Variants in ATAD1 observed in about 807,000 individuals in gnomAD.
ATAD1 encodes the protein ATPase family AAA domain containing 1, also known as outer mitochondrial transmembrane helix translocase.
ATAD1 carries 18 observed loss-of-function variants against 42.7 expected under a neutral mutation model. The observed-to-expected ratio is 0.42, with a 90% CI of 0.29 to 0.63. The LOEUF is 0.63. Among genes scored for constraint, ATAD1 ranks in the 20% least tolerant of loss-of-function variants. The pLI, the probability that ATAD1 is intolerant of heterozygous loss-of-function variation, is 0.19. For synonymous variants in ATAD1, 132 were observed against 143.1 expected (o/e 0.92, Z 0.55); for missense variants, 294 against 440.4 (o/e 0.67, Z 2.98).
chr10:87,814,527 T>C lies in ATAD1; in HGVS notation c.73A>G (p.Ile25Val). The change falls in exon 2 of 10, where the codon ATA (isoleucine) becomes GTA (valine). Residue 25 changes from isoleucine (I) to valine (V), a missense_variant. This residue lies in a region of ATAD1 where 121 missense variants were observed against 187.3 expected (regional missense o/e 0.65). Transcript: ENST00000680024. The part of the protein sequence containing the change: ...EVVGLIFRLT[I>V]FGAVTYFTIK... The stretch of plus-strand genomic sequence containing the variant: ...GTAAAGTATGTCACTGCACCAAATA[T>C]TGTCAAACGGAAAATTAAACCAACA... 2.5e-6 allele frequency: 4 copies of C among 1,612,182 alleles called. No individual in the cohort carries two copies. Among genetic ancestry groups the C allele is most frequent in the Middle Eastern group, 1.7e-4 (1 of 6,056 alleles).
intron 8 of ATAD1, among the ~76,000 whole-genome samples, chr10:87,761,926 G>A (rs1854502196): frequency 6.6e-6 from 1 of 151,856 alleles, no homozygotes; most frequent in Non-Finnish European, 1.5e-5. Context: ...AAATTTCTTT[G>A]TAGAGGTGAG....
At chr10:87,807,389 T>C (rs1308061296) in intron 2 of ATAD1, among the ~76,000 whole-genome samples, 1 of 152,140 alleles carries the variant, frequency 6.6e-6, no homozygotes, top group East Asian at 1.9e-4. Context: ...TCCAAAATAG[T>C]TATACTAATT....
intron 9 of ATAD1, 133 bp downstream of exon 9, chr10:87,756,656 G>A (rs1199076002): frequency 2.4e-6 from 2 of 818,270 alleles, no homozygotes; most frequent in Non-Finnish European, 3.4e-6. Flanking sequence ...AAATAAAGTT[G>A]CAGGGGGTGA....
At chr10:87,798,632 G>A (rs947810256) in intron 2 of ATAD1, among the ~76,000 whole-genome samples, 2 of 149,024 alleles carry the variant, frequency 1.3e-5, no homozygotes, top group Admixed American at 1.3e-4. Context: ...GGGGGTGTGT[G>A]TGTGTGTGTG....
chr10:87,802,714 A>G (rs1158341721), intron 2 of ATAD1, among the ~76,000 whole-genome samples: 1 of 152,124 alleles, frequency 6.6e-6, no homozygotes, highest in Non-Finnish European at 1.5e-5. Flanking sequence ...CTGGCCAATT[A>G]GAAGAAAGCA....
At chr10:87,799,084 C>G (rs1856555683) in intron 2 of ATAD1, among the ~76,000 whole-genome samples, 1 of 152,068 alleles carries the variant, frequency 6.6e-6, no homozygotes, top group Non-Finnish European at 1.5e-5. Flanking sequence ...AATGCTTTTT[C>G]AAGTTTACAT....
chr10:87,807,330 T>A (rs1856972589), intron 2 of ATAD1, among the ~76,000 whole-genome samples: 1 of 152,170 alleles, frequency 6.6e-6, no homozygotes, highest in South Asian at 2.1e-4. Context: ...AACTTGTGGA[T>A]CACTGACTAT....
At chr10:87,819,270 A>AAAAAAC (rs1857572989), upstream of ATAD1, 2 of 146,940 alleles carry the variant, frequency 1.4e-5, no homozygotes, top group African/African-American at 2.6e-5. Context: ...CTACAAAAAA[A>AAAAAAC]AAAAAAAAAA....
intron 2 of ATAD1, among the ~76,000 whole-genome samples, chr10:87,800,524 C>T (rs1856639932): frequency 6.6e-6 from 1 of 152,012 alleles, no homozygotes; most frequent in South Asian, 2.1e-4. Context: ...CTTTTAGTAA[C>T]TGGTCTAACA....
At position 87,764,898 on chromosome 10, in the gene ATAD1, A is replaced by G. The variant is rs567738517; in HGVS notation, c.831+2775T>C. On this transcript the variant is annotated intron_variant, in intron 8 of 9. Transcript: ENST00000680024. ...AATTAAAAGAGACATAAAAAGTATC[A>G]AAGAATTGCAAATTAGGAAATTCAT... 1.6e-4 allele frequency among the ~76,000 whole-genome samples: 25 copies of G among 152,336 alleles called. No homozygotes were observed. The South Asian group carries it at 5.2e-3, about 32-fold the overall frequency.
intron 4 of ATAD1, among the ~76,000 whole-genome samples, chr10:87,786,514 G>C (rs1224916947): frequency 6.6e-6 from 1 of 152,192 alleles, no homozygotes; most frequent in Non-Finnish European, 1.5e-5. Flanking sequence ...AGTGTCTGGA[G>C]TGCCTAAAGA....
chr10:87,838,461 C>CAAAAAAA (rs770282016), intron 1 of ATAD1, among the ~76,000 whole-genome samples: 4 of 42,634 alleles, frequency 9.4e-5, no homozygotes, highest in Non-Finnish European at 1.7e-4. Flanking sequence ...GACTCTATCT[C>CAAAAAAA]AAAAAAAAAA....
exon 1 of ATAD1, chr10:87,841,297 G>A (rs1202735851): frequency 6.6e-6 from 1 of 152,148 alleles, no homozygotes; most frequent in Non-Finnish European, 1.5e-5. Flanking sequence ...CATTCTCTGG[G>A]AAGCTAGTCT....
rs996636155 is a variant in ATAD1, at chr10:87,752,152, T to C, written c.*2535A>G. ...AAAAGGAGAAACATAGTAAAGGAGA[T>C]ACTAAATTGATTCAAATACTTCATT... On this transcript the variant is annotated 3_prime_UTR_variant, in exon 10 of 10. Transcript: ENST00000680024. 6.6e-6 allele frequency: 1 copy of C among 151,284 alleles called. No homozygotes were observed. The highest frequency in any genetic ancestry group is 2.4e-5 in the African/African-American group (1 of 40,934). 9.4% of individuals were successfully genotyped at this position (151,284 alleles called of 1,614,324 possible).
intron 2 of ATAD1, among the ~76,000 whole-genome samples, chr10:87,814,098 G>C (rs1273151091): frequency 6.6e-6 from 1 of 151,998 alleles, no homozygotes; most frequent in Non-Finnish European, 1.5e-5. Context: ...ACAGCAAAAG[G>C]CATATCATTA....
In ATAD1 at chr10:87,792,684, A is replaced by G. The variant is rs756304470; in HGVS notation, c.234T>C (p.Ala78=). The G allele has an allele frequency of 1.2e-6, 2 of 1,612,312 alleles. No homozygotes were observed. Among genetic ancestry groups the G allele is most frequent in the South Asian group, 1.1e-5 (1 of 91,042 alleles). The part of the protein sequence containing the change: ...KLSEYEMSIA[A]HLVDPLNMHV... Reference sequence around the variant, plus strand: ...GCATATTAAGAGGGTCTACAAGATGAGCAGCAATACTCATTTCATATTCTG... The same window carrying G: ...GCATATTAAGAGGGTCTACAAGATGGGCAGCAATACTCATTTCATATTCTG... The change falls in exon 3 of 10, where the codon GCT becomes GCC. Residue 78 remains alanine, a synonymous_variant. Coordinates refer to ENST00000680024, the MANE Select transcript of ATAD1 (RefSeq NM_001321967.2).
intron 2 of ATAD1, among the ~76,000 whole-genome samples, chr10:87,793,933 T>A (rs1179913493): frequency 6.8e-6 from 1 of 146,498 alleles, no homozygotes; most frequent in African/African-American, 2.5e-5. Context: ...TTAATAGCTT[T>A]AAAAAAAAAA....
chr10:87,761,157 C>A (rs1217344114), intron 8 of ATAD1, among the ~76,000 whole-genome samples: 1 of 151,968 alleles, frequency 6.6e-6, no homozygotes, highest in Admixed American at 6.6e-5. Context: ...AATATATGTG[C>A]TACTGATTTG....
intron 2 of ATAD1, among the ~76,000 whole-genome samples, chr10:87,803,638 T>G (rs1371713923): frequency 6.6e-6 from 1 of 152,214 alleles, no homozygotes; most frequent in Non-Finnish European, 1.5e-5. Flanking sequence ...TGACGTCTCA[T>G]GTATCCCTAA....
Sources: gnomAD v4.1 joint callset for allele counts (sites outside exome capture counted in the v4.1 genomes callset) on GRCh38, gnomAD v4.1.1 for gene constraint, gnomAD v4.1.1 regional missense constraint, MANE v1.5 for transcripts, NCBI Gene and HGNC (gene_info 2026-07-23, HGNC 2026-07-21) for gene names.